ZFAND3: variants seen among roughly 807,000 people sequenced by gnomAD.
ZFAND3 encodes AN1-type zinc finger protein 3.
A neutral mutation model predicts 29.6 loss-of-function variants in ZFAND3; 10 were observed. The ratio of observed to expected loss-of-function variants is 0.34; its 90% confidence interval spans 0.21 to 0.57. The LOEUF is 0.57. ZFAND3 is among the 20% of genes least tolerant of loss of function. The pLI is 0.86. For synonymous variants in ZFAND3, 128 were observed against 112.6 expected, an observed-to-expected ratio of 1.14 and a Z score of -0.87; for missense variants, 230 against 304.5, an observed-to-expected ratio of 0.76 and a Z score of 1.82.
intron 3 of ZFAND3, among the ~76,000 whole-genome samples, chr6:38,077,419 A>T (rs1393343288): frequency 6.6e-6 from 1 of 151,912 alleles, no homozygotes; most frequent in Non-Finnish European, 1.5e-5. Flanking sequence ...TAAAATAATT[A>T]GATACTTTTA....
At chr6:38,006,515 G>C (rs1160686805) in intron 2 of ZFAND3, among the ~76,000 whole-genome samples, 1 of 152,118 alleles carries the variant, frequency 6.6e-6, no homozygotes, top group Non-Finnish European at 1.5e-5. Flanking sequence ...AAGACAACCT[G>C]CTTGCATGCA....
intron 5 of ZFAND3, among the ~76,000 whole-genome samples, chr6:38,132,436 A>G (rs1169548371): frequency 6.6e-6 from 1 of 152,160 alleles, no homozygotes; most frequent in Admixed American, 6.5e-5. Context: ...GAGCCTAGGA[A>G]TTTGAGGCTG....
At chr6:38,031,384 T>G (rs1763556113) in intron 2 of ZFAND3, among the ~76,000 whole-genome samples, 1 of 152,248 alleles carries the variant, frequency 6.6e-6, no homozygotes, top group Admixed American at 6.5e-5. Flanking sequence ...AGATCTATGT[T>G]TTATGCCTTA....
chr6:38,055,793 C>G (rs1371753660), intron 2 of ZFAND3, among the ~76,000 whole-genome samples: 1 of 152,124 alleles, frequency 6.6e-6, no homozygotes, highest in East Asian at 1.9e-4. Flanking sequence ...CCACATGATG[C>G]TAAGAGTACC....
At chr6:37,946,791 A>G (rs1761911341) in intron 2 of ZFAND3, among the ~76,000 whole-genome samples, 2 of 152,210 alleles carry the variant, frequency 1.3e-5, no homozygotes, top group African/African-American at 4.8e-5. Context: ...AAAAAGAACA[A>G]ATACTATTTA....
At chr6:37,982,950 G>A (rs1293049571) in intron 2 of ZFAND3, among the ~76,000 whole-genome samples, 1 of 152,084 alleles carries the variant, frequency 6.6e-6, no homozygotes, top group Admixed American at 6.5e-5. Flanking sequence ...GTATGTGTTT[G>A]TGTTGCAGTT....
chr6:38,061,915 C>A (rs1764249036), intron 3 of ZFAND3, 140 bp downstream of exon 3: 2 of 1,016,102 alleles, frequency 2.0e-6, no homozygotes, highest in Non-Finnish European at 2.8e-6. Context: ...CCAAGCTCAG[C>A]AAGTTAGAGA....
At chr6:38,131,694 A>G (rs1318352646) in intron 5 of ZFAND3, among the ~76,000 whole-genome samples, 1 of 152,240 alleles carries the variant, frequency 6.6e-6, no homozygotes, top group African/African-American at 2.4e-5. Flanking sequence ...AAATCTCAGC[A>G]GGCAGGAGTA....
At chr6:37,983,785 A>G (rs1392279891) in intron 2 of ZFAND3, among the ~76,000 whole-genome samples, 3 of 152,188 alleles carry the variant, frequency 2.0e-5, no homozygotes, top group Non-Finnish European at 2.9e-5. Flanking sequence ...ATGCTTATAC[A>G]GGTTTGTAGT....
chr6:37,923,548 A>G (rs1462020228), intron 1 of ZFAND3, among the ~76,000 whole-genome samples: 1 of 152,238 alleles, frequency 6.6e-6, no homozygotes, highest in Non-Finnish European at 1.5e-5. Flanking sequence ...ATTACAGTCT[A>G]AAATAATGAT....
In ZFAND3 at chr6:37,884,415, A is replaced by G. The variant is rs189357478; in HGVS notation, c.72-45544A>G. Among the ~76,000 whole-genome samples, 70 of 139,866 alleles carry G rather than the reference A, an allele frequency of 5.0e-4. 3 individuals carry two copies. The East Asian group carries it at 7.2e-3, about 14-fold the overall frequency. The allele number at this position is 139,866 out of a possible 152,430, so 91.8% of individuals were successfully genotyped here. A position where few individuals can be genotyped will look rare whatever the true frequency, so the allele number is the denominator to read the frequency against. On this transcript the variant is annotated intron_variant, in intron 1 of 5. Coordinates refer to ENST00000287218, the MANE Select transcript of ZFAND3 (RefSeq NM_021943.3). ...AGGCTGAGGCAGGAGAACCACTTGA[A>G]CCTGGGAGGCGGAGATTGCGGTGAG...
chr6:37,844,973 G>A (rs1764151349), intron 1 of ZFAND3, among the ~76,000 whole-genome samples: 2 of 149,718 alleles, frequency 1.3e-5, no homozygotes, highest in Non-Finnish European at 1.5e-5. Context: ...GCAGTGAGCC[G>A]AGATCACGCT....
intron 4 of ZFAND3, among the ~76,000 whole-genome samples, chr6:38,096,484 T>C (rs1764982862): frequency 6.6e-6 from 1 of 152,232 alleles, no homozygotes; most frequent in Non-Finnish European, 1.5e-5. Context: ...GTTGTGTTTT[T>C]ATAAGCTTAG....
intron 2 of ZFAND3, among the ~76,000 whole-genome samples, chr6:37,933,883 ATTTTTT>A (rs58837762): frequency 6.9e-5 from 8 of 116,522 alleles, no homozygotes; most frequent in Admixed American, 2.0e-4. Flanking sequence ...TCTCTCTCTC[ATTTTTT>A]TTTTTTTTTT....
At position 37,929,988 on chromosome 6, in the gene ZFAND3, A is replaced by C; in HGVS notation, c.101A>C (p.Lys34Thr). The C allele has an allele frequency of 1.3e-6, 2 of 1,593,994 alleles. No homozygotes were observed. Among genetic ancestry groups the C allele is most frequent in the Non-Finnish European group, 1.7e-6 (2 of 1,171,950 alleles). Reference protein sequence around the residue: ...GSSKTMNLCSKCFADFQKKQP... With the variant: ...GSSKTMNLCSTCFADFQKKQP... The stretch of plus-strand genomic sequence containing the variant: ...AGCAAGACTATGAATCTCTGTTCCA[A>C]ATGCTTTGCTGGTAAGTGCAGAAAA... Residue 34 changes from lysine (K) to threonine (T), a missense_variant, in exon 2 of 6, where the codon AAA becomes ACA. Transcript: ENST00000287218.
At chr6:38,132,534 G>A (rs968441943) in intron 5 of ZFAND3, among the ~76,000 whole-genome samples, 8 of 152,158 alleles carry the variant, frequency 5.3e-5, no homozygotes, top group Admixed American at 1.3e-4. Context: ...TGGGTTCTTC[G>A]GAGGTCACAG....
At chr6:37,955,177 A>G (rs1230334839) in intron 2 of ZFAND3, among the ~76,000 whole-genome samples, 2 of 130,430 alleles carry the variant, frequency 1.5e-5, no homozygotes. Flanking sequence ...GTGTGTCTCT[A>G]AGGGAATCAC....
intron 1 of ZFAND3, among the ~76,000 whole-genome samples, chr6:37,859,865 T>G (rs1319649204): frequency 8.8e-5 from 13 of 147,996 alleles, no homozygotes; most frequent in African/African-American, 3.0e-4. Context: ...GGAGTGGGTT[T>G]TTTTTTTTTT....
intron 4 of ZFAND3, among the ~76,000 whole-genome samples, chr6:38,115,492 A>G (rs1183456142): frequency 6.6e-6 from 1 of 152,202 alleles, no homozygotes; most frequent in African/African-American, 2.4e-5. Context: ...AATAGACTGT[A>G]GAAACAAGGG....
Sources: gnomAD v4.1 joint callset for allele counts (sites outside exome capture counted in the v4.1 genomes callset) on GRCh38, gnomAD v4.1.1 for gene constraint, MANE v1.5 for transcripts, NCBI Gene and HGNC (gene_info 2026-07-23, HGNC 2026-07-21) for gene names.